The following ZNF93 variants were observed in gnomAD, a reference collection of about 807,000 sequenced individuals.
ZNF93 encodes zinc finger protein 93.
ZNF93 carries 29 observed loss-of-function variants against 45.0 expected under a neutral mutation model. The observed-to-expected ratio is 0.64, with a 90% CI of 0.48 to 0.88. ZNF93 has a LOEUF of 0.88. Ranked by LOEUF, ZNF93 falls within the 40% of genes least tolerant of loss-of-function variation. The pLI is 0.00. For missense variants in ZNF93, 578 were observed against 724.0 expected, an observed-to-expected ratio of 0.80 and a Z score of 2.31; for synonymous variants, 223 against 244.6, an observed-to-expected ratio of 0.91 and a Z score of 0.82.
intron 3 of ZNF93, among the ~76,000 whole-genome samples, chr19:19,930,543 C>T (rs563849616): frequency 4.3e-5 from 6 of 140,266 alleles, no homozygotes; most frequent in Non-Finnish European, 9.1e-5. Context: ...TGCTAGACCG[C>T]GGTCTGCTAG....
chr19:19,920,742 A>G (rs538284351), intron 3 of ZNF93, among the ~76,000 whole-genome samples: 1 of 152,238 alleles, frequency 6.6e-6, no homozygotes, highest in Non-Finnish European at 1.5e-5. Context: ...AGAGGTGTTT[A>G]TGGTATTCTC....
chr19:19,931,932 A>G (rs2063375627), intron 3 of ZNF93: 1 of 349,906 alleles, frequency 2.9e-6, no homozygotes, highest in African/African-American at 2.3e-5. Context: ...AACAACTTCA[A>G]TTGAATAAAA....
At chr19:19,916,439 A>C (rs2063323959) in intron 2 of ZNF93, 121 bp from the exon 3 acceptor site, 1 of 791,640 alleles carries the variant, frequency 1.3e-6, no homozygotes, top group Non-Finnish European at 2.0e-6. Flanking sequence ...TTCTGTTATA[A>C]ATTTGTATTT....
intron 1 of ZNF93, among the ~76,000 whole-genome samples, chr19:19,911,548 T>C (rs1044914501): frequency 3.3e-5 from 5 of 152,130 alleles, no homozygotes; most frequent in Non-Finnish European, 5.9e-5. Flanking sequence ...ATTAAAAAAA[T>C]ACATGAAGCA....
chr19:19,934,715 A>G lies in ZNF93; in HGVS notation c.1760A>G (p.His587Arg). ...SATLSSHKKI[H>R]SGEKPYECDK... ...ACCCTTTCTTCACATAAGAAAATCC[A>G]TTCTGGAGAGAAACCATACGAGTGT... is the stretch of plus-strand genomic sequence containing the variant. Residue 587 changes from histidine to arginine, a missense_variant, in exon 4 of 4, where the codon CAT becomes CGT. Transcript: ENST00000343769. 2 of 1,613,564 alleles carry G rather than the reference A, an allele frequency of 1.2e-6. No individual in the cohort carries two copies. Among genetic ancestry groups the G allele is most frequent in the Non-Finnish European group, 1.7e-6 (2 of 1,179,718 alleles).
At chr19:19,917,114 C>T (rs2063326659) in intron 3 of ZNF93, among the ~76,000 whole-genome samples, 3 of 151,948 alleles carry the variant, frequency 2.0e-5, no homozygotes, top group Admixed American at 1.3e-4. Context: ...TTTATTACTA[C>T]ATAGTTTTTA....
chr19:19,916,583 C>G lies in ZNF93; in HGVS notation c.154C>G (p.Leu52Val). The change falls in exon 3 of 4, where the codon CTG becomes GTG. Residue 52 changes from leucine (L) to valine (V), a missense_variant. Around this residue, in one of 3 missense-constraint regions of ZNF93, gnomAD observed 446 missense variants for 547.6 expected, o/e 0.81. Coordinates refer to ENST00000343769, the MANE Select transcript of ZNF93 (RefSeq NM_031218.4). Reference protein sequence around the residue: ...FLGIVVSKPDLIAHLEQGKKP... With the variant: ...FLGIVVSKPDVIAHLEQGKKP... Reference sequence around the variant, plus strand: ...AGGTATTGTTGTCTCTAAGCCAGACCTGATCGCCCATCTGGAGCAAGGAAA... The same window carrying G: ...AGGTATTGTTGTCTCTAAGCCAGACGTGATCGCCCATCTGGAGCAAGGAAA... The G allele has an allele frequency of 6.2e-7, 1 of 1,612,162 alleles. No homozygotes were observed. Among genetic ancestry groups the G allele is most frequent in the South Asian group, 1.1e-5 (1 of 90,828 alleles).
intron 3 of ZNF93, among the ~76,000 whole-genome samples, chr19:19,930,057 C>T (rs530188460): frequency 3.3e-5 from 5 of 151,900 alleles, no homozygotes; most frequent in East Asian, 3.9e-4. Flanking sequence ...ATAGTGGCCC[C>T]GAATGTCTGG....
Position 19,915,315 on chromosome 19 carries a change from C to T in ZNF93, c.39C>T (p.Phe13=), listed in dbSNP as rs959342435. The T allele has an allele frequency of 1.2e-6, 2 of 1,614,066 alleles. No individual in the cohort carries two copies. Among genetic ancestry groups the T allele is most frequent in the Non-Finnish European group, 1.7e-6 (2 of 1,179,970 alleles). The change falls in exon 2 of 4, where the codon TTC becomes TTT. Residue 13 remains phenylalanine, a synonymous_variant. Coordinates refer to ENST00000343769, the MANE Select transcript of ZNF93 (RefSeq NM_031218.4). Reference sequence around the variant, plus strand: ...AATTTAGAGATGTGGCCATAGAATTCTCTCTGGAGGAGTGGCATTGCCTGG... The same window carrying T: ...AATTTAGAGATGTGGCCATAGAATTTTCTCTGGAGGAGTGGCATTGCCTGG... ...PLQFRDVAIE[F]SLEEWHCLDT...
In ZNF93 at chr19:19,915,833, T is replaced by C. The variant is rs147200611; in HGVS notation, c.130+427T>C. Among the ~76,000 whole-genome samples, 807 of 152,120 alleles carry C rather than the reference T, an allele frequency of 5.3e-3. 10 individuals carry two copies. Among genetic ancestry groups the C allele is most frequent in the African/African-American group, 0.019 (777 of 41,536 alleles). On this transcript the variant is annotated intron_variant, in intron 2 of 3. Transcript: ENST00000343769. ...CTCCAGCCTGGATGACAGAGCAAGATTACTTCTCGAGAAAAAAACAAAAAT... is the reference window on the plus strand; with the variant it reads ...CTCCAGCCTGGATGACAGAGCAAGACTACTTCTCGAGAAAAAAACAAAAAT...
intron 2 of ZNF93, among the ~76,000 whole-genome samples, chr19:19,915,638 C>G (rs1003395782): frequency 2.6e-5 from 4 of 151,946 alleles, no homozygotes; most frequent in Non-Finnish European, 5.9e-5. Context: ...GCGAGGAGTT[C>G]GAGACCAGCC....
chr19:19,935,570 A>C lies in ZNF93; in HGVS notation c.*752A>C, dbSNP rs1465555972. 1 of 152,280 alleles carries C rather than the reference A, an allele frequency of 6.6e-6. No homozygotes were observed. Among genetic ancestry groups the C allele is most frequent in the Non-Finnish European group, 1.5e-5 (1 of 68,072 alleles). 9.4% of individuals were successfully genotyped at this position (152,280 alleles called of 1,614,324 possible). On this transcript the variant is annotated 3_prime_UTR_variant, in exon 4 of 4. Coordinates refer to ENST00000343769, the MANE Select transcript of ZNF93 (RefSeq NM_031218.4). ...CAAAGAAATAAAAATAGCCATTGAA[A>C]TTGAAGAAAAATGTTGCTGTTTGTA...
At chr19:19,906,120 T>G (rs1447286689) in intron 1 of ZNF93, among the ~76,000 whole-genome samples, 1 of 152,206 alleles carries the variant, frequency 6.6e-6, no homozygotes, top group Non-Finnish European at 1.5e-5. Flanking sequence ...CTTTTTACAG[T>G]TGTTGAACTA....
At chr19:19,904,159 T>G (rs1599564899) in intron 1 of ZNF93, among the ~76,000 whole-genome samples, 1 of 141,740 alleles carries the variant, frequency 7.1e-6, no homozygotes, top group African/African-American at 2.7e-5. Context: ...ATGTGCAGAG[T>G]GTGTGTCTGG....
chr19:19,929,187 A>AGTT (rs1335261155), intron 3 of ZNF93, among the ~76,000 whole-genome samples: 11 of 152,152 alleles, frequency 7.2e-5, no homozygotes, highest in African/African-American at 2.7e-4. Context: ...TAATATGTCC[A>AGTT]GTTACTCTTT....
intron 1 of ZNF93, among the ~76,000 whole-genome samples, chr19:19,901,400 G>A (rs938102263): frequency 2.6e-5 from 4 of 152,174 alleles, no homozygotes; most frequent in Non-Finnish European, 5.9e-5. Flanking sequence ...GTCGTCAGGG[G>A]AGAATCCTGA....
At chr19:19,930,991 T>C (rs1408670889) in intron 3 of ZNF93, among the ~76,000 whole-genome samples, 1 of 151,912 alleles carries the variant, frequency 6.6e-6, no homozygotes, top group African/African-American at 2.4e-5. Flanking sequence ...CTTACTCAAT[T>C]GTGGTTGCTA....
chr19:19,923,688 GGCTCCATGGGT>G (rs1443073193), intron 3 of ZNF93, among the ~76,000 whole-genome samples: 2 of 152,198 alleles, frequency 1.3e-5, no homozygotes, highest in African/African-American at 4.8e-5. Context: ...CAATGAGCGA[GGCTCCATGGGT>G]GTAGGACCCT....
chr19:19,902,651 A>C (rs1199959714), intron 1 of ZNF93, among the ~76,000 whole-genome samples: 1 of 151,624 alleles, frequency 6.6e-6, no homozygotes, highest in African/African-American at 2.4e-5. Flanking sequence ...AGGAGGCGTT[A>C]TTCTGAGAGA....
Sources: allele counts gnomAD v4.1 joint callset (sites outside exome capture counted in the v4.1 genomes callset), GRCh38; gene constraint gnomAD v4.1.1; regional missense constraint gnomAD v4.1.1; transcripts MANE v1.5; gene names NCBI Gene and HGNC (gene_info 2026-07-23, HGNC 2026-07-21).